The following NPC1 variants were observed in gnomAD, a reference collection of about 807,000 sequenced individuals.
NPC1 encodes the protein NPC intracellular cholesterol transporter 1.
In NPC1, 85 loss-of-function variants were observed where a neutral mutation model predicts 140.4. The observed-to-expected ratio is 0.61, with a 90% CI of 0.51 to 0.72. The LOEUF (loss-of-function observed/expected upper bound fraction) is 0.72, where lower values mean the gene tolerates loss of function less well. Ranked by LOEUF, NPC1 falls within the 30% of genes least tolerant of loss-of-function variation. The probability of loss-of-function intolerance (pLI) is 0.00; values close to 1 mark genes in which losing one functional copy is unlikely to be tolerated. For synonymous variants in NPC1, 656 were observed against 624.8 expected (o/e 1.05, Z -0.74); for missense variants, 1,504 against 1,623.8 (o/e 0.93, Z 1.27).
At chr18:23,520,198 C>T, downstream of NPC1, 2 of 1,612,000 alleles carry the variant, frequency 1.2e-6, no homozygotes, top group Non-Finnish European at 1.7e-6. Context: ...TTTTTCCCCC[C>T]CAGACATCGG....
At chr18:23,520,544 C>T (rs2058116737), downstream of NPC1, among the ~76,000 whole-genome samples, 1 of 152,234 alleles carries the variant, frequency 6.6e-6, no homozygotes, top group African/African-American at 2.4e-5. Flanking sequence ...ACTACAGTCT[C>T]CACCTCCTGG....
intron 5 of NPC1, among the ~76,000 whole-genome samples, chr18:23,560,930 C>T (rs2059029325): frequency 6.6e-6 from 1 of 152,228 alleles, no homozygotes; most frequent in Non-Finnish European, 1.5e-5. Context: ...GTACCAGTTA[C>T]CTCTCTTACT....
intron 6 of NPC1, among the ~76,000 whole-genome samples, chr18:23,557,698 C>T (rs998361105): frequency 1.3e-5 from 2 of 152,118 alleles, no homozygotes; most frequent in African/African-American, 4.8e-5. Flanking sequence ...GCTGAGATCG[C>T]GCCACTGCAT....
Position 23,556,468 on chromosome 18 carries a change from G to T in NPC1, c.1101C>A (p.Gly367=). The change falls in exon 8 of 25, where the codon GGC becomes GGA. Residue 367 remains glycine, a synonymous_variant. Transcript: ENST00000269228. ...TGGTTGTGACCCGGACAAACACCAG[G>T]CCTGACGAACACGCAGTAATGAAGA... ...SLVFITACSS[G]LVFVRVTTNP... is the part of the protein sequence containing the mutation. 1 of 1,614,192 alleles carries T rather than the reference G, an allele frequency of 6.2e-7. No individual in the cohort carries two copies. The highest frequency in any genetic ancestry group is 8.5e-7 in the Non-Finnish European group (1 of 1,180,026).
chr18:23,559,101 T>A (rs1030196007), intron 6 of NPC1, among the ~76,000 whole-genome samples: 23 of 152,244 alleles, frequency 1.5e-4, no homozygotes, highest in African/African-American at 5.3e-4. Flanking sequence ...ATGTGCCACA[T>A]TTTCTTAATC....
intron 3 of NPC1, chr18:23,506,915 T>C: frequency 1.7e-6 from 2 of 1,189,616 alleles, no homozygotes; most frequent in Non-Finnish European, 2.5e-6. Flanking sequence ...TTTCAATAAA[T>C]GGTAGTAGCT....
rs756815030 is a variant in NPC1 at position 23,538,609 on chromosome 18, CCT to C, written c.2972_2973del (p.Gln991ArgfsTer15). 44 of 1,614,068 alleles carry C rather than the reference CCT, an allele frequency of 2.7e-5. No homozygotes were observed. The highest frequency in any genetic ancestry group is 1.6e-4 in the Middle Eastern group (1 of 6,084). ...GGCAGGAATCTCATGAAGTCTCCCC[CCT>C]GAGGCCTCTGTTTGCCTTCCGGAGT... The part of the protein sequence containing the change: ...PLTPEGKQRP[Q>X]GGDFMRFLPM... On this transcript the variant is annotated frameshift_variant, in exon 20 of 25. Coordinates refer to ENST00000269228, the MANE Select transcript of NPC1 (RefSeq NM_000271.5). LOFTEE classifies it high-confidence loss of function.
intron 7 of NPC1, 71 bp downstream of exon 7, chr18:23,557,046 C>A (rs904928971): frequency 6.1e-6 from 8 of 1,301,416 alleles, no homozygotes; most frequent in Non-Finnish European, 8.9e-6. Context: ...TGCAACCCCA[C>A]TGAGGAAACG....
intron 1 of NPC1, among the ~76,000 whole-genome samples, chr18:23,580,889 G>A (rs888373965): frequency 6.6e-6 from 1 of 152,206 alleles, no homozygotes; most frequent in African/African-American, 2.4e-5. Context: ...GGGCTGGTCT[G>A]ACTTCTATTG....
At position 23,568,859 on chromosome 18, in the gene NPC1, C is replaced by T. The variant is rs1026819819; in HGVS notation, c.427G>A (p.Glu143Lys). Reference sequence around the variant, plus strand: ...CTCTGTCCGACGTAGTATTGTAACTCTTTCACATTTGTTTTCGTCTGGTTT... The same window carrying T: ...CTCTGTCCGACGTAGTATTGTAACTTTTTCACATTTGTTTTCGTCTGGTTT... ...VTNQTKTNVK[E>K]LQYYVGQSFA... Residue 143 changes from glutamate (E) to lysine (K), a missense_variant, in exon 4 of 25, where the codon GAG (glutamate) becomes AAG (lysine). By Grantham distance (56) the Glu-to-Lys change is moderately conservative. Transcript: ENST00000269228. 3 of 1,614,004 alleles carry T rather than the reference C, an allele frequency of 1.9e-6. No homozygotes were observed. The highest frequency in any genetic ancestry group is 3.3e-5 in the Admixed American group (2 of 60,008).
chr18:23,585,346 T>C (rs540894377), intron 1 of NPC1, among the ~76,000 whole-genome samples: 1 of 152,302 alleles, frequency 6.6e-6, no homozygotes, highest in Non-Finnish European at 1.5e-5. Context: ...CTCCTGGCTC[T>C]TAGTCCATTA....
chr18:23,561,946 G>A (rs1031478958), intron 4 of NPC1, among the ~76,000 whole-genome samples: 3 of 152,146 alleles, frequency 2.0e-5, no homozygotes, highest in South Asian at 2.1e-4. Context: ...AGAGAATTAT[G>A]GAACTTACTT....
At chr18:23,564,159 A>G (rs901112797) in intron 4 of NPC1, among the ~76,000 whole-genome samples, 5 of 150,224 alleles carry the variant, frequency 3.3e-5, no homozygotes, top group African/African-American at 1.2e-4. Context: ...TAATTTTTCT[A>G]TTTTAGTAGA....
intron 3 of NPC1, chr18:23,507,905 T>C (rs1049259426): frequency 1.1e-4 from 136 of 1,211,136 alleles, no homozygotes; most frequent in Non-Finnish European, 1.4e-4. Context: ...TTATTTTTCT[T>C]GTCTTGTAGT....
At chr18:23,527,826 C>G, downstream of NPC1, 1 of 1,613,984 alleles carries the variant, frequency 6.2e-7, no homozygotes, top group African/African-American at 1.3e-5. Context: ...CATCGCTGCC[C>G]GTGATAGCCA....
chr18:23,560,315 T>C lies in NPC1; in HGVS notation c.797A>G (p.Asp266Gly), dbSNP rs370188327. 1.2e-6 allele frequency: 2 copies of C among 1,613,892 alleles called. No homozygotes were observed. Among genetic ancestry groups the C allele is most frequent in the Non-Finnish European group, 1.7e-6 (2 of 1,180,002 alleles). ...GATCCACATGATGACATACATGGCG[T>C]CCAAGCCAAGGATCGTCCAGGGAGC... ...PPAPWTILGL[D>G]AMYVIMWITY... is the part of the protein sequence containing the mutation. Residue 266 changes from aspartate (D) to glycine (G), a missense_variant, in exon 6 of 25, where the codon GAC (aspartate) becomes GGC (glycine). By Grantham distance (94) the Asp-to-Gly change is moderately conservative (BLOSUM62 -1). Coordinates refer to ENST00000269228, the MANE Select transcript of NPC1 (RefSeq NM_000271.5).
intron 4 of NPC1, among the ~76,000 whole-genome samples, chr18:23,565,125 G>A (rs1308632109): frequency 6.6e-6 from 1 of 152,048 alleles, no homozygotes; most frequent in Non-Finnish European, 1.5e-5. Context: ...TTTCAGGGTT[G>A]TTTTACTATT....
Position 23,540,451 on chromosome 18 carries a change from T to C in NPC1, c.2601A>G (p.Pro867=). The C allele has an allele frequency of 6.3e-7, 1 of 1,582,504 alleles. No individual in the cohort carries two copies. Among genetic ancestry groups the C allele is most frequent in the Non-Finnish European group, 8.7e-7 (1 of 1,153,898 alleles). ...AAAAAAAAGGAAGTCATCTTACATC[T>C]GGCATCGAAAGAGACTGATCCAATC... is the stretch of plus-strand genomic sequence containing the variant. The part of the protein sequence containing the change: ...DIGLDQSLSM[P]DDSYMVDYFK... The change falls in exon 17 of 25, where the codon CCA becomes CCG. Residue 867 remains proline (P), a synonymous_variant. Transcript: ENST00000269228.
intron 3 of NPC1, chr18:23,516,021 A>C: frequency 6.2e-7 from 1 of 1,613,892 alleles, no homozygotes; most frequent in Non-Finnish European, 8.5e-7. Flanking sequence ...CCCCTGAAAA[A>C]AACACCTTTC....
Sources: gnomAD v4.1 joint callset for allele counts (sites outside exome capture counted in the v4.1 genomes callset) on GRCh38, gnomAD v4.1.1 for gene constraint, MANE v1.5 for transcripts, NCBI Gene and HGNC (gene_info 2026-07-23, HGNC 2026-07-21) for gene names.